Variants in PIEZO2 observed in about 807,000 individuals in gnomAD.
PIEZO2 encodes piezo type mechanosensitive ion channel component 2.
In PIEZO2, 172 loss-of-function variants were observed where a neutral mutation model predicts 337.3. The observed-to-expected ratio is 0.51, with a 90% CI of 0.45 to 0.58. The LOEUF is 0.58. PIEZO2 is among the 20% of genes least tolerant of loss of function. The pLI, the probability that PIEZO2 is intolerant of heterozygous loss-of-function variation, is 0.00. For missense variants in PIEZO2, 3,028 were observed against 3,391.3 expected (o/e 0.89, Z 2.66); for synonymous variants, 1,251 against 1,228.5 (o/e 1.02, Z -0.38).
chr18:10,791,406 G>A (rs2039406758), intron 13 of PIEZO2, 82 bp from the exon 14 acceptor site: 3 of 1,350,458 alleles, frequency 2.2e-6, no homozygotes, highest in Non-Finnish European at 2.9e-6. Flanking sequence ...CATTTTCTCC[G>A]CATTCCAGTG....
At chr18:11,135,414 T>TA (rs1171126093) in intron 1 of PIEZO2, among the ~76,000 whole-genome samples, 3 of 152,180 alleles carry the variant, frequency 2.0e-5, no homozygotes, top group Non-Finnish European at 4.4e-5. Flanking sequence ...AGTATGATTT[T>TA]AAAAAGCAAC....
intron 2 of PIEZO2, among the ~76,000 whole-genome samples, chr18:11,052,581 A>G (rs1450474831): frequency 6.6e-6 from 1 of 152,216 alleles, no homozygotes; most frequent in Non-Finnish European, 1.5e-5. Flanking sequence ...TGGAGTAAGG[A>G]GGTGGCTTTC....
At position 10,813,808 on chromosome 18, in the gene PIEZO2, G is replaced by A. The variant is rs543033268; in HGVS notation, c.918-6534C>T. ...CTATTTTTAATAGAGAAACTGCTCCGGTTGTTTGAGGAACTGGTATACTGT... is the reference window on the plus strand; with the variant it reads ...CTATTTTTAATAGAGAAACTGCTCCAGTTGTTTGAGGAACTGGTATACTGT... On this transcript the variant is annotated intron_variant, in intron 7 of 55. Transcript: ENST00000674853. The surrounding 1 kb of genome is among the most constrained non-coding windows in gnomAD (Gnocchi z 4.2). Among the ~76,000 whole-genome samples the A allele has an allele frequency of 2.4e-4, 37 of 152,020 alleles. No individual in the cohort carries two copies. The highest frequency in any genetic ancestry group is 4.0e-4 in the Non-Finnish European group (27 of 68,012).
Position 10,744,156 on chromosome 18 carries a change from G to A in PIEZO2, c.4500C>T (p.Asp1500=). 1 of 1,536,014 alleles carries A rather than the reference G, an allele frequency of 6.5e-7. No individual in the cohort carries two copies. Among genetic ancestry groups the A allele is most frequent in the Non-Finnish European group, 8.7e-7 (1 of 1,145,834 alleles). The change falls in exon 31 of 56, where the codon GAC becomes GAT. Residue 1500 remains aspartate, a synonymous_variant. Transcript: ENST00000674853. The part of the protein sequence containing the change: ...ARIEEEKKSM[D]QLKRQMDRIK... ...AGCATCCTTACTGTCGCTTCAGCTG[G>A]TCCATGGACTTCTTCTCTTCCTCAA...
intron 3 of PIEZO2, among the ~76,000 whole-genome samples, chr18:10,972,189 A>G (rs1253339014): frequency 2.0e-5 from 3 of 151,718 alleles, no homozygotes; most frequent in Non-Finnish European, 4.4e-5. Flanking sequence ...AAAAAAAAAA[A>G]AAGAGAGAGA....
chr18:10,691,514 T>A, intron 47 of PIEZO2, 131 bp from the exon 48 acceptor site: 1 of 927,158 alleles, frequency 1.1e-6, no homozygotes, highest in Non-Finnish European at 1.6e-6. Context: ...TAATGAACTG[T>A]CTACACATAG....
chr18:10,724,836 C>T lies in PIEZO2; in HGVS notation c.5029+6571G>A, dbSNP rs2143999787. On this transcript the variant is annotated intron_variant, in intron 36 of 55. Coordinates refer to ENST00000674853, the MANE Select transcript of PIEZO2 (RefSeq NM_001378183.1). This position sits in a 1 kb window ranked among gnomAD's most constrained non-coding sequence, Gnocchi z 5.8. ...CGTTCTCACAGATGCACCTGGGCCA[C>T]GGCGGCCACATGCGTCGCAGTGAGA... The T allele has an allele frequency of 1.3e-6, 2 of 1,599,430 alleles. No individual in the cohort carries two copies. Among genetic ancestry groups the T allele is most frequent in the East Asian group, 2.2e-5 (1 of 44,514 alleles).
chr18:10,831,765 C>G (rs1474407623), intron 7 of PIEZO2, among the ~76,000 whole-genome samples: 1 of 152,102 alleles, frequency 6.6e-6, no homozygotes, highest in African/African-American at 2.4e-5. Flanking sequence ...TCATGTACCC[C>G]ATACATATAT....
intron 14 of PIEZO2, 119 bp from the exon 15 acceptor site, chr18:10,789,484 A>G: frequency 1.6e-6 from 2 of 1,220,592 alleles, no homozygotes; most frequent in East Asian, 2.6e-5. Context: ...TATAATTTGG[A>G]TGATTTTAGA....
intron 35 of PIEZO2, among the ~76,000 whole-genome samples, chr18:10,732,495 TAAAG>T (rs1288944086): frequency 6.6e-6 from 1 of 152,178 alleles, no homozygotes; most frequent in African/African-American, 2.4e-5. Context: ...CAGTAGAAAG[TAAAG>T]AGAGACTCAA....
At chr18:10,985,715 A>G (rs1216189670) in intron 2 of PIEZO2, among the ~76,000 whole-genome samples, 1 of 151,946 alleles carries the variant, frequency 6.6e-6, no homozygotes, top group Non-Finnish European at 1.5e-5. Flanking sequence ...TAATTACAAA[A>G]GACAAACCTG....
chr18:10,673,012 G>A lies in PIEZO2; in HGVS notation c.8162-139C>T. On this transcript the variant is annotated intron_variant, in intron 54 of 55. Coordinates refer to ENST00000674853, the MANE Select transcript of PIEZO2 (RefSeq NM_001378183.1). This position sits in a 1 kb window ranked among gnomAD's most constrained non-coding sequence, Gnocchi z 4.8. ...ATGAAAAGGATGCATGGACATACTA[G>A]AAGCGTGAATGGGCAAGGAAGAGAG... 1.4e-6 allele frequency: 1 copy of A among 690,034 alleles called. No individual in the cohort carries two copies. Among genetic ancestry groups the A allele is most frequent in the South Asian group, 2.0e-5 (1 of 50,440 alleles). 42.7% of individuals were successfully genotyped at this position (690,034 alleles called of 1,614,324 possible). A position where few individuals can be genotyped will look rare whatever the true frequency, so the allele number is the denominator to read the frequency against.
At chr18:10,816,932 G>T (rs540945913) in intron 7 of PIEZO2, among the ~76,000 whole-genome samples, 1 of 152,108 alleles carries the variant, frequency 6.6e-6, no homozygotes, top group South Asian at 2.1e-4. Flanking sequence ...GATACGTTGG[G>T]GCTCATCAAG....
intron 2 of PIEZO2, among the ~76,000 whole-genome samples, chr18:11,013,634 C>T (rs918203735): frequency 1.2e-4 from 18 of 152,296 alleles, no homozygotes; most frequent in African/African-American, 3.8e-4. Context: ...GATGGACCAG[C>T]CGCTGCTCCT....
At chr18:11,124,055 C>T (rs778371651) in intron 1 of PIEZO2, among the ~76,000 whole-genome samples, 67 of 151,990 alleles carry the variant, frequency 4.4e-4, no homozygotes, top group Non-Finnish European at 8.5e-4. Flanking sequence ...TTTTACTTGT[C>T]AATTAAAATA....
At position 11,025,831 on chromosome 18, in the gene PIEZO2, T is replaced by C. The variant is rs148927770; in HGVS notation, c.160+40296A>G. On this transcript the variant is annotated intron_variant, in intron 2 of 55. Coordinates refer to ENST00000674853, the MANE Select transcript of PIEZO2 (RefSeq NM_001378183.1). ...TGGCTGGGGAAGAACTTGCTTGCCC[T>C]GAGGTGGGTACTGCACAACTCTTGC... is the stretch of plus-strand genomic sequence containing the variant. 1.8e-3 allele frequency among the ~76,000 whole-genome samples: 275 copies of C among 152,242 alleles called. 2 individuals carry two copies. Among genetic ancestry groups the C allele is most frequent in the African/African-American group, 6.2e-3 (257 of 41,522 alleles).
At chr18:11,100,583 T>A (rs1459277230) in intron 1 of PIEZO2, among the ~76,000 whole-genome samples, 2 of 152,116 alleles carry the variant, frequency 1.3e-5, no homozygotes. Flanking sequence ...TTCAGGGTCA[T>A]GCTCACCACA....
intron 54 of PIEZO2, 49 bp downstream of exon 54, chr18:10,675,160 T>A (rs2033937928): frequency 7.6e-7 from 1 of 1,320,150 alleles, no homozygotes; most frequent in Admixed American, 2.2e-5. Context: ...TGAAATTGAA[T>A]AAAACTAGGA....
At position 10,943,418 on chromosome 18, in the gene PIEZO2, T is replaced by C. The variant is rs2032828160; in HGVS notation, c.287-32190A>G. ...ATCAGTGTGACCTGGATGTGAGACA[T>C]CGAGTCACAGGAGACCATTTCGGAG... On this transcript the variant is annotated intron_variant, in intron 3 of 55. Transcript: ENST00000674853. This position sits in a 1 kb window ranked among gnomAD's most constrained non-coding sequence, Gnocchi z 4.5. Among the ~76,000 whole-genome samples, 1 of 152,178 alleles carries C rather than the reference T, an allele frequency of 6.6e-6. No individual in the cohort carries two copies. Among genetic ancestry groups the C allele is most frequent in the Non-Finnish European group, 1.5e-5 (1 of 68,028 alleles).
Sources: allele counts gnomAD v4.1 joint callset (sites outside exome capture counted in the v4.1 genomes callset), GRCh38; gene constraint gnomAD v4.1.1; non-coding constraint Gnocchi (gnomAD v3.1); transcripts MANE v1.5; gene names NCBI Gene and HGNC (gene_info 2026-07-23, HGNC 2026-07-21).